The following PSPC1 variants were observed in gnomAD, a reference collection of about 807,000 sequenced individuals.
PSPC1 encodes paraspeckle component 1.
A neutral mutation model predicts 51.6 loss-of-function variants in PSPC1; 14 were observed. The ratio of observed to expected loss-of-function variants is 0.27; its 90% confidence interval spans 0.18 to 0.42. The LOEUF (loss-of-function observed/expected upper bound fraction) is 0.42, where lower values mean the gene tolerates loss of function less well. Ranked by LOEUF, PSPC1 falls within the 10% of genes least tolerant of loss-of-function variation. The pLI is 1.00. For missense variants in PSPC1, 406 were observed against 701.1 expected, an observed-to-expected ratio of 0.58 and a Z score of 4.75; for synonymous variants, 193 against 231.9, an observed-to-expected ratio of 0.83 and a Z score of 1.53.
chr13:19,713,940 C>A (rs572424821), intron 6 of PSPC1, among the ~76,000 whole-genome samples: 28 of 152,258 alleles, frequency 1.8e-4, no homozygotes, highest in African/African-American at 6.7e-4. Context: ...TTTAATGGTG[C>A]GAAAGTAATG....
intron 4 of PSPC1, among the ~76,000 whole-genome samples, chr13:19,744,790 C>T (rs1230129324): frequency 1.3e-5 from 2 of 152,096 alleles, no homozygotes; most frequent in Admixed American, 6.5e-5. Flanking sequence ...GTCTTGAACT[C>T]GTAACCTTGT....
At chr13:19,740,395 T>C (rs559063480) in intron 5 of PSPC1, among the ~76,000 whole-genome samples, 1 of 152,162 alleles carries the variant, frequency 6.6e-6, no homozygotes, top group South Asian at 2.1e-4. Flanking sequence ...GAAATATTTA[T>C]AAATTGATAA....
At chr13:19,728,198 T>G (rs552713326) in intron 6 of PSPC1, among the ~76,000 whole-genome samples, 21 of 152,308 alleles carry the variant, frequency 1.4e-4, no homozygotes, top group African/African-American at 4.8e-4. Flanking sequence ...AAATTATTAT[T>G]TAAAATGTGA....
At position 19,751,300 on chromosome 13, in the gene PSPC1, T is replaced by A; in HGVS notation, c.938A>T (p.His313Leu). The change falls in exon 4 of 9, where the codon CAT (histidine) becomes CTT (leucine). Residue 313 changes from histidine to leucine, a missense_variant. By Grantham distance (99) the His-to-Leu change is moderately conservative. Coordinates refer to ENST00000338910, the MANE Select transcript of PSPC1 (RefSeq NM_001354909.2). ...KLEAEMEAAR[H>L]EHQLMLMRQD... ...CCTCATTAGCATTAATTGGTGTTCA[T>A]GCCTAGCTGCTTCCATTTCTGCCTC... is the stretch of plus-strand genomic sequence containing the variant. 1 of 1,564,372 alleles carries A rather than the reference T, an allele frequency of 6.4e-7. No homozygotes were observed. The highest frequency in any genetic ancestry group is 8.6e-7 in the Non-Finnish European group (1 of 1,162,766).
chr13:19,688,460 T>G (rs1218973000), intron 6 of PSPC1, among the ~76,000 whole-genome samples: 1 of 152,222 alleles, frequency 6.6e-6, no homozygotes, highest in African/African-American at 2.4e-5. Context: ...TTCATGCATA[T>G]GTAAGTAAAG....
chr13:19,689,698 G>T (rs1399225281), intron 6 of PSPC1, among the ~76,000 whole-genome samples: 1 of 152,182 alleles, frequency 6.6e-6, no homozygotes, highest in African/African-American at 2.4e-5. Flanking sequence ...AGCCCAGGAT[G>T]CTGAAAAGAA....
At chr13:19,697,408 G>A (rs921264207) in intron 6 of PSPC1, among the ~76,000 whole-genome samples, 21 of 152,112 alleles carry the variant, frequency 1.4e-4, no homozygotes, top group Admixed American at 9.2e-4. Context: ...TTAAGCCCTA[G>A]AAAACTAACC....
chr13:19,782,360 C>G lies in PSPC1; in HGVS notation c.372+26G>C, dbSNP rs754279985. On this transcript the variant is annotated intron_variant, in intron 1 of 8. Coordinates refer to ENST00000338910, the MANE Select transcript of PSPC1 (RefSeq NM_001354909.2). The surrounding 1 kb of genome is among the most constrained non-coding windows in gnomAD (Gnocchi z 4.5). Reference sequence around the variant, plus strand: ...CGGCCACCCCGACAGTCCTTTTGTTCCCTCGCGCGGGCGCCTGACACTCAC... The same window carrying G: ...CGGCCACCCCGACAGTCCTTTTGTTGCCTCGCGCGGGCGCCTGACACTCAC... 6.4e-7 allele frequency: 1 copy of G among 1,556,500 alleles called. No homozygotes were observed. Among genetic ancestry groups the G allele is most frequent in the Non-Finnish European group, 8.7e-7 (1 of 1,152,090 alleles).
chr13:19,729,416 A>C (rs1883766772), intron 6 of PSPC1, among the ~76,000 whole-genome samples: 1 of 152,016 alleles, frequency 6.6e-6, no homozygotes, highest in Non-Finnish European at 1.5e-5. Context: ...GCGCACCTGT[A>C]ATCCCAGCTA....
intron 6 of PSPC1, among the ~76,000 whole-genome samples, chr13:19,697,080 G>A (rs1879350967): frequency 6.6e-6 from 1 of 152,044 alleles, no homozygotes; most frequent in South Asian, 2.1e-4. Context: ...CAGTGTACTG[G>A]GACAGTCAAC....
intron 6 of PSPC1, among the ~76,000 whole-genome samples, chr13:19,711,596 C>A (rs1231348091): frequency 7.3e-5 from 11 of 149,802 alleles, no homozygotes; most frequent in Non-Finnish European, 1.5e-4. Context: ...CGAGATCGCA[C>A]CACTGTACTC....
At chr13:19,715,677 C>G (rs960020375) in intron 6 of PSPC1, among the ~76,000 whole-genome samples, 3 of 152,070 alleles carry the variant, frequency 2.0e-5, no homozygotes, top group African/African-American at 7.2e-5. Context: ...GCCAATTGCT[C>G]GAGCCCAGGA....
rs547836279 is a variant in PSPC1 at position 19,709,815 on chromosome 13, G to T, written c.1159-216C>A. On this transcript the variant is annotated intron_variant, in intron 6 of 8. Coordinates refer to ENST00000338910, the MANE Select transcript of PSPC1 (RefSeq NM_001354909.2). ...ATGCTTAATGCATCCAGTTTATATT[G>T]CAAGATTAGATTACTAATGAATCAG... Among the ~76,000 whole-genome samples, 5 of 151,344 alleles carry T rather than the reference G, an allele frequency of 3.3e-5. No homozygotes were observed. In the South Asian group the frequency reaches 1.0e-3, roughly 32 times the overall value.
At chr13:19,736,624 A>C (rs528427923) in intron 5 of PSPC1, among the ~76,000 whole-genome samples, 1 of 152,166 alleles carries the variant, frequency 6.6e-6, no homozygotes, top group Non-Finnish European at 1.5e-5. Flanking sequence ...CAGAGCTTGC[A>C]GTGAGCCGAG....
chr13:19,671,438 T>C, downstream of PSPC1: 1 of 668,368 alleles, frequency 1.5e-6, no homozygotes, highest in Non-Finnish European at 2.6e-6. Flanking sequence ...GTGCACCCTC[T>C]CTCAGTTTAC....
chr13:19,683,986 AT>A (rs1877573908), intron 6 of PSPC1, among the ~76,000 whole-genome samples: 2 of 152,180 alleles, frequency 1.3e-5, no homozygotes, highest in African/African-American at 4.8e-5. Flanking sequence ...AATTAACTCC[AT>A]TTCAAGTGCC....
At chr13:19,689,060 T>C (rs1382691192) in intron 6 of PSPC1, among the ~76,000 whole-genome samples, 1 of 151,996 alleles carries the variant, frequency 6.6e-6, no homozygotes, top group Admixed American at 6.6e-5. Context: ...AAAATAACTA[T>C]TAAAGGACAA....
intron 5 of PSPC1, among the ~76,000 whole-genome samples, chr13:19,731,273 T>C (rs1415581264): frequency 6.6e-6 from 1 of 152,182 alleles, no homozygotes; most frequent in African/African-American, 2.4e-5. Flanking sequence ...TATAGTAATA[T>C]TGAAGTAACA....
chr13:19,677,709 C>T (rs1325939703), intron 7 of PSPC1: 7 of 432,646 alleles, frequency 1.6e-5, no homozygotes, highest in Admixed American at 8.5e-5. Flanking sequence ...AAATAATGAG[C>T]AGATACGGAC....
Sources: gnomAD v4.1 joint callset for allele counts (sites outside exome capture counted in the v4.1 genomes callset) on GRCh38, gnomAD v4.1.1 for gene constraint, Gnocchi (gnomAD v3.1) non-coding constraint, MANE v1.5 for transcripts, NCBI Gene and HGNC (gene_info 2026-07-23, HGNC 2026-07-21) for gene names.